ERC2: variants seen among roughly 807,000 people sequenced by gnomAD.
ERC2 encodes the protein ERC protein 2.
In ERC2, 42 loss-of-function variants were observed where a neutral mutation model predicts 114.8. That is an observed-to-expected ratio of 0.37 (90% CI 0.29 to 0.47). The LOEUF is 0.47. ERC2 is among the 20% of genes least tolerant of loss of function. ERC2 has a pLI of 0.99. For synonymous variants in ERC2, 454 were observed against 425.5 expected, an observed-to-expected ratio of 1.07 and a Z score of -0.82; for missense variants, 939 against 1,150.7, an observed-to-expected ratio of 0.82 and a Z score of 2.66.
At chr3:55,601,121 C>T (rs2058382591) in intron 17 of ERC2, among the ~76,000 whole-genome samples, 1 of 152,224 alleles carries the variant, frequency 6.6e-6, no homozygotes, top group African/African-American at 2.4e-5. Flanking sequence ...CTGGAGAGGG[C>T]TGGCTGGACA....
chr3:56,112,432 G>GACAC (rs3052551), intron 6 of ERC2, among the ~76,000 whole-genome samples: 40 of 149,268 alleles, frequency 2.7e-4, no homozygotes, highest in African/African-American at 4.5e-4. Flanking sequence ...AAGACAGACA[G>GACAC]ACACACACAC....
Position 55,785,537 on chromosome 3 carries a change from C to G in ERC2, c.2565-50619G>C, listed in dbSNP as rs190029482. On this transcript the variant is annotated intron_variant, in intron 14 of 17. Coordinates refer to ENST00000288221, the MANE Select transcript of ERC2 (RefSeq NM_015576.3). ...CTTTGTCCAACTCTCCAATGCCCTG[C>G]ATTCCTCAACCTCAACTCTCCCCCA... Among the ~76,000 whole-genome samples, 860 of 152,328 alleles carry G rather than the reference C, an allele frequency of 5.6e-3. 9 individuals carry two copies. The highest frequency in any genetic ancestry group is 0.02 in the African/African-American group (820 of 41,578).
chr3:55,829,658 G>T (rs767557426), intron 14 of ERC2, among the ~76,000 whole-genome samples: 8 of 152,162 alleles, frequency 5.3e-5, no homozygotes, highest in South Asian at 4.1e-4. Context: ...GGGACCACAG[G>T]TGTGCACCAC....
chr3:55,512,418 C>A (rs2052151285), intron 17 of ERC2, among the ~76,000 whole-genome samples: 1 of 152,196 alleles, frequency 6.6e-6, no homozygotes, highest in African/African-American at 2.4e-5. Flanking sequence ...AAACTCTCTG[C>A]AAACTTTGTA....
intron 13 of ERC2, among the ~76,000 whole-genome samples, chr3:55,947,234 C>A (rs951466967): frequency 1.3e-5 from 2 of 152,140 alleles, no homozygotes; most frequent in Non-Finnish European, 2.9e-5. Context: ...AGTAAGGGTT[C>A]TTGAGTTCCC....
At position 55,830,720 on chromosome 3, in the gene ERC2, G is replaced by A. The variant is rs561799025; in HGVS notation, c.2564+57669C>T. ...GAACTTTGGAAGTCTGAGGTGGGAG[G>A]ATGACTTGAACCCAGGAGTCTGAGA... On this transcript the variant is annotated intron_variant, in intron 14 of 17. Coordinates refer to ENST00000288221, the MANE Select transcript of ERC2 (RefSeq NM_015576.3). Among the ~76,000 whole-genome samples the A allele has an allele frequency of 4.6e-5, 7 of 152,216 alleles. No individual in the cohort carries two copies. The South Asian group carries it at 1.5e-3, about 32-fold the overall frequency.
At chr3:56,209,883 G>A (rs530086893) in intron 3 of ERC2, among the ~76,000 whole-genome samples, 19 of 152,254 alleles carry the variant, frequency 1.2e-4, no homozygotes, top group African/African-American at 4.3e-4. Flanking sequence ...TCAGGCAGAG[G>A]AGCATTGCTT....
intron 17 of ERC2, among the ~76,000 whole-genome samples, chr3:55,622,222 C>T (rs1214954340): frequency 6.6e-6 from 1 of 152,194 alleles, no homozygotes. Flanking sequence ...CCAGGTAAAG[C>T]ACCCAAAATT....
intron 11 of ERC2, among the ~76,000 whole-genome samples, chr3:55,988,754 AAATTTAAT>A (rs1458406226): frequency 1.3e-5 from 2 of 152,252 alleles, no homozygotes; most frequent in African/African-American, 2.4e-5. Context: ...TCAAAATTAC[AAATTTAAT>A]TGCAAACATT....
At chr3:55,967,694 C>T (rs1050990483) in intron 12 of ERC2, among the ~76,000 whole-genome samples, 2 of 152,150 alleles carry the variant, frequency 1.3e-5, no homozygotes, top group African/African-American at 4.8e-5. Flanking sequence ...ACTTGATCGC[C>T]TATGCAGCAA....
intron 3 of ERC2, among the ~76,000 whole-genome samples, chr3:56,279,033 G>C (rs2054182973): frequency 6.6e-6 from 1 of 152,126 alleles, no homozygotes; most frequent in South Asian, 2.1e-4. Context: ...TCTAATACTT[G>C]TACTCAAGTT....
chr3:55,694,796 T>C (rs528444285), intron 16 of ERC2, among the ~76,000 whole-genome samples: 1 of 152,256 alleles, frequency 6.6e-6, no homozygotes, highest in Admixed American at 6.5e-5. Flanking sequence ...GAGATCAGGG[T>C]CCTTGAAGAC....
intron 5 of ERC2, among the ~76,000 whole-genome samples, chr3:56,148,325 AC>A (rs1304382771): frequency 6.6e-6 from 1 of 152,098 alleles, no homozygotes; most frequent in Non-Finnish European, 1.5e-5. Flanking sequence ...TTGCTCTGTC[AC>A]CCAGGCTGGA....
intron 7 of ERC2, among the ~76,000 whole-genome samples, chr3:56,071,789 C>T (rs2076752068): frequency 6.6e-6 from 1 of 152,218 alleles, no homozygotes; most frequent in African/African-American, 2.4e-5. Context: ...GAGGAGGCTA[C>T]TGAATTTGTT....
At chr3:56,437,163 G>T (rs1157083744) in intron 1 of ERC2, among the ~76,000 whole-genome samples, 1 of 152,198 alleles carries the variant, frequency 6.6e-6, no homozygotes, top group Non-Finnish European at 1.5e-5. Flanking sequence ...TTACTCTCTT[G>T]CTCATTTTCC....
intron 14 of ERC2, among the ~76,000 whole-genome samples, chr3:55,761,470 T>C (rs1049428945): frequency 6.6e-6 from 1 of 152,210 alleles, no homozygotes; most frequent in East Asian, 1.9e-4. Flanking sequence ...ACCCTATTTA[T>C]AGGCCATGGG....
chr3:55,814,178 G>C (rs1353199949), intron 14 of ERC2, among the ~76,000 whole-genome samples: 1 of 152,210 alleles, frequency 6.6e-6, no homozygotes, highest in Non-Finnish European at 1.5e-5. Flanking sequence ...CCAGGAACCT[G>C]ATTATTCAAG....
chr3:55,792,433 T>C (rs1575611739), intron 14 of ERC2, among the ~76,000 whole-genome samples: 1 of 152,180 alleles, frequency 6.6e-6, no homozygotes, highest in Admixed American at 6.5e-5. Flanking sequence ...TATATAATTT[T>C]ATTGTTGACA....
chr3:55,861,025 G>A (rs936185154), intron 14 of ERC2, among the ~76,000 whole-genome samples: 1 of 152,194 alleles, frequency 6.6e-6, no homozygotes, highest in Admixed American at 6.5e-5. Context: ...AAATAGAAAG[G>A]TAGGGGTTTG....
Sources: allele counts gnomAD v4.1 joint callset (sites outside exome capture counted in the v4.1 genomes callset), GRCh38; gene constraint gnomAD v4.1.1; transcripts MANE v1.5; gene names NCBI Gene and HGNC (gene_info 2026-07-23, HGNC 2026-07-21).